The following AOPEP variants were observed in gnomAD, a reference collection of about 807,000 sequenced individuals.
AOPEP encodes the protein aminopeptidase O (putative).
AOPEP carries 77 observed loss-of-function variants against 98.1 expected under a neutral mutation model. The observed-to-expected ratio is 0.78, with a 90% CI of 0.65 to 0.95. AOPEP has a LOEUF of 0.95. Ranked by LOEUF, AOPEP falls within the 40% of genes least tolerant of loss-of-function variation. The pLI, the probability that AOPEP is intolerant of heterozygous loss-of-function variation, is 0.00. For missense variants in AOPEP, 1,024 were observed against 1,024.7 expected (o/e 1.00, Z 0.01); for synonymous variants, 346 against 365.3 (o/e 0.95, Z 0.60).
intron 10 of AOPEP, among the ~76,000 whole-genome samples, chr9:94,973,805 A>C (rs1395378777): frequency 1.3e-5 from 2 of 152,254 alleles, no homozygotes; most frequent in African/African-American, 2.4e-5. Flanking sequence ...GCAGAAGAGT[A>C]ATTTCCTGTA....
intron 5 of AOPEP, among the ~76,000 whole-genome samples, chr9:94,855,371 C>A (rs1330117855): frequency 6.6e-6 from 1 of 152,172 alleles, no homozygotes; most frequent in South Asian, 2.1e-4. Flanking sequence ...AGCCATCAGG[C>A]CTGGCCGTGT....
chr9:94,998,544 T>C (rs1009239243), intron 11 of AOPEP, among the ~76,000 whole-genome samples: 1 of 152,340 alleles, frequency 6.6e-6, no homozygotes, highest in Non-Finnish European at 1.5e-5. Context: ...ATTTAGAAGT[T>C]GATAAATAAC....
chr9:95,148,256 G>A, the AOPEP span, among the ~76,000 whole-genome samples: 1 of 152,162 alleles, frequency 6.6e-6, no homozygotes, highest in African/African-American at 2.4e-5. Flanking sequence ...AAGCACTTCT[G>A]CTTCATAACA....
At chr9:94,768,653 AC>A (rs539056416) in intron 2 of AOPEP, among the ~76,000 whole-genome samples, 4 of 152,200 alleles carry the variant, frequency 2.6e-5, no homozygotes, top group African/African-American at 4.8e-5. Flanking sequence ...CAAGCCGTGG[AC>A]CTGTGTCTCA....
chr9:94,843,152 C>G (rs1392859732), intron 5 of AOPEP, among the ~76,000 whole-genome samples: 2 of 152,200 alleles, frequency 1.3e-5, no homozygotes, highest in Non-Finnish European at 2.9e-5. Flanking sequence ...TATTGGTTCA[C>G]TCAGCAGAAA....
At chr9:95,075,622 A>G (rs200625972) in intron 14 of AOPEP, among the ~76,000 whole-genome samples, 4 of 152,354 alleles carry the variant, frequency 2.6e-5, no homozygotes, top group East Asian at 3.8e-4. Flanking sequence ...GCTCACACCT[A>G]TAATCCCAAC....
Position 94,875,347 on chromosome 9 carries a change from GAAAAAAA to G in AOPEP, c.1365-48620_1365-48614del, listed in dbSNP as rs71366265. The stretch of plus-strand genomic sequence containing the variant: ...AATTTAACAGAGTTTAATTGAGCAA[GAAAAAAA>G]AAAAAAAAAAAAAAAAAAGACTCAT... On this transcript the variant is annotated intron_variant, in intron 5 of 16. Transcript: ENST00000375315. Among the ~76,000 whole-genome samples the G allele has an allele frequency of 9.2e-3, 657 of 71,580 alleles. 7 individuals carry two copies. In the South Asian group the frequency reaches 0.1, roughly 11 times the overall value. 47.0% of individuals were successfully genotyped at this position (71,580 alleles called of 152,430 possible).
At chr9:94,783,699 T>G (rs1383898455) in intron 3 of AOPEP, among the ~76,000 whole-genome samples, 3 of 152,118 alleles carry the variant, frequency 2.0e-5, no homozygotes, top group African/African-American at 7.2e-5. Context: ...GTATATTATA[T>G]ATTTAAAATA....
intron 5 of AOPEP, among the ~76,000 whole-genome samples, chr9:94,842,611 C>T (rs1436888555): frequency 2.0e-5 from 3 of 152,120 alleles, no homozygotes; most frequent in East Asian, 3.9e-4. Flanking sequence ...ATCTACTTAC[C>T]CAGATATTTA....
In AOPEP at chr9:94,792,749, C is replaced by T; in HGVS notation, c.965-16C>T. On this transcript the variant is annotated splice_polypyrimidine_tract_variant and intron_variant, in intron 3 of 16. Coordinates refer to ENST00000375315, the MANE Select transcript of AOPEP (RefSeq NM_001193329.3). ...ATATATTGGCCTCATTATGGTTTTT[C>T]TCTTCCTGTTTACAGAGTGCTCAAG... 6.4e-7 allele frequency: 1 copy of T among 1,574,464 alleles called. No homozygotes were observed. The highest frequency in any genetic ancestry group is 1.1e-5 in the South Asian group (1 of 87,198).
intron 13 of AOPEP, among the ~76,000 whole-genome samples, chr9:95,031,573 A>G (rs879320242): frequency 6.6e-5 from 10 of 152,210 alleles, no homozygotes; most frequent in Non-Finnish European, 1.3e-4. Context: ...GCAGTGGCCA[A>G]CTGGTGGGGA....
chr9:94,781,709 C>T (rs1216878033), intron 3 of AOPEP, among the ~76,000 whole-genome samples: 1 of 151,058 alleles, frequency 6.6e-6, no homozygotes. Context: ...TACAGGCACC[C>T]GCCACCACGC....
chr9:94,855,896 G>GA (rs2044145299), intron 5 of AOPEP, among the ~76,000 whole-genome samples: 1 of 152,146 alleles, frequency 6.6e-6, no homozygotes, highest in African/African-American at 2.4e-5. Flanking sequence ...GAGACTGAAA[G>GA]AATATATATA....
intron 5 of AOPEP, among the ~76,000 whole-genome samples, chr9:94,905,540 C>A (rs2051007638): frequency 6.6e-6 from 1 of 152,062 alleles, no homozygotes; most frequent in Admixed American, 6.6e-5. Flanking sequence ...TATGCATGTT[C>A]TTCTGTCATT....
downstream of AOPEP, among the ~76,000 whole-genome samples, chr9:95,090,553 G>A (rs1029982387): frequency 3.9e-5 from 6 of 152,034 alleles, no homozygotes; most frequent in Non-Finnish European, 8.8e-5. Context: ...CCCCCCCTTC[G>A]AAGGGAGGAA....
At chr9:94,843,210 A>G (rs1255533716) in intron 5 of AOPEP, among the ~76,000 whole-genome samples, 2 of 152,128 alleles carry the variant, frequency 1.3e-5, no homozygotes, top group Non-Finnish European at 2.9e-5. Flanking sequence ...AGGGTTTCTC[A>G]GGCCTCGGCA....
chr9:95,093,480 G>T, the AOPEP span, among the ~76,000 whole-genome samples: 1 of 152,208 alleles, frequency 6.6e-6, no homozygotes, highest in Non-Finnish European at 1.5e-5. Context: ...CTTCAGGGCA[G>T]CGTTTAACGG....
chr9:95,041,360 TA>T (rs543941383), intron 13 of AOPEP, among the ~76,000 whole-genome samples: 3,837 of 144,242 alleles, frequency 0.027, 106 homozygotes, highest in African/African-American at 0.062. Context: ...AAATAAGATT[TA>T]AAAAAAAAAA....
At chr9:94,783,618 G>A (rs1843757630) in intron 3 of AOPEP, among the ~76,000 whole-genome samples, 1 of 152,108 alleles carries the variant, frequency 6.6e-6, no homozygotes, top group Non-Finnish European at 1.5e-5. Context: ...AGGCCAGGAG[G>A]GGAAGAGCAG....
Sources: gnomAD v4.1 joint callset for allele counts (sites outside exome capture counted in the v4.1 genomes callset) on GRCh38, gnomAD v4.1.1 for gene constraint, MANE v1.5 for transcripts, NCBI Gene and HGNC (gene_info 2026-07-23, HGNC 2026-07-21) for gene names.